Variants in UCK1 observed in about 807,000 individuals in gnomAD.
UCK1 encodes the protein cytidine monophosphokinase 1.
UCK1 carries 20 observed loss-of-function variants against 34.0 expected under a neutral mutation model. That is an observed-to-expected ratio of 0.59 (90% CI 0.41 to 0.86). The LOEUF (loss-of-function observed/expected upper bound fraction) is 0.86. UCK1 is among the 40% of genes least tolerant of loss of function. The pLI is 0.00. For missense variants in UCK1, 343 were observed against 383.6 expected (o/e 0.89, Z 0.88); for synonymous variants, 168 against 155.9 (o/e 1.08, Z -0.58).
At chr9:131,527,280 ATC>A (rs1317738695) in intron 5 of UCK1, among the ~76,000 whole-genome samples, 1 of 151,898 alleles carries the variant, frequency 6.6e-6, no homozygotes, top group Non-Finnish European at 1.5e-5. Context: ...GTGAAGCAAG[ATC>A]TCACCACTGC....
At chr9:131,525,537 G>A (rs2131975696) in intron 6 of UCK1, among the ~76,000 whole-genome samples, 1 of 152,312 alleles carries the variant, frequency 6.6e-6, no homozygotes, top group African/African-American at 2.4e-5. Flanking sequence ...GGAGTGCAGT[G>A]GCCCAATCAC....
chr9:131,525,391 A>G (rs1410492417), intron 6 of UCK1, among the ~76,000 whole-genome samples, 170 bp from the exon 7 acceptor site: 3 of 152,270 alleles, frequency 2.0e-5, no homozygotes, highest in Non-Finnish European at 2.9e-5. Flanking sequence ...GCATCAGGAC[A>G]CAGCAAAATA....
At chr9:131,529,650 C>T (rs1588538179) in intron 2 of UCK1, 66 bp from the exon 3 acceptor site, 4 of 1,497,454 alleles carry the variant, frequency 2.7e-6, no homozygotes, top group Non-Finnish European at 2.8e-6. Flanking sequence ...AGGGAACCCT[C>T]TCTGCTCTGG....
intron 5 of UCK1, among the ~76,000 whole-genome samples, chr9:131,528,128 C>G (rs1287955801): frequency 6.6e-6 from 1 of 150,822 alleles, no homozygotes; most frequent in African/African-American, 2.4e-5. Flanking sequence ...GAGCCGAGAT[C>G]GTGCCATTGC....
chr9:131,526,448 C>G (rs1408733120), intron 5 of UCK1: 1 of 1,290,588 alleles, frequency 7.7e-7, no homozygotes, highest in African/African-American at 1.5e-5. Context: ...AACTTACTCC[C>G]TCATCCAACC....
At chr9:131,527,098 G>A (rs971581300) in intron 5 of UCK1, among the ~76,000 whole-genome samples, 2 of 150,690 alleles carry the variant, frequency 1.3e-5, no homozygotes, top group Admixed American at 6.6e-5. Context: ...TGGGTGGACT[G>A]CTTGAGGCCA....
intron 5 of UCK1, among the ~76,000 whole-genome samples, chr9:131,528,147 C>T (rs936614627): frequency 1.4e-5 from 2 of 146,888 alleles, no homozygotes; most frequent in African/African-American, 5.1e-5. Context: ...GCACTCCACC[C>T]TAGACGACAA....
At chr9:131,528,448 T>C (rs959985986) in intron 5 of UCK1, among the ~76,000 whole-genome samples, 4 of 152,170 alleles carry the variant, frequency 2.6e-5, no homozygotes, top group African/African-American at 7.2e-5. Flanking sequence ...TTCAGAGCAC[T>C]GGCCCAGAGC....
At chr9:131,526,974 C>T (rs201211145) in intron 5 of UCK1, among the ~76,000 whole-genome samples, 5 of 151,676 alleles carry the variant, frequency 3.3e-5, no homozygotes, top group Admixed American at 6.6e-5. Context: ...GAGGACTGCA[C>T]AAGCCACTCA....
chr9:131,530,356 G>C, intron 2 of UCK1, 130 bp downstream of exon 2: 1 of 1,097,278 alleles, frequency 9.1e-7, no homozygotes, highest in South Asian at 1.4e-5. Context: ...CTCCACTGCA[G>C]GCTGCGTGGC....
At position 131,531,242 on chromosome 9, in the gene UCK1, A is replaced by AG; in HGVS notation, c.-69dup. 5 of 1,283,576 alleles carry AG rather than the reference A, an allele frequency of 3.9e-6. No individual in the cohort carries two copies. The highest frequency in any genetic ancestry group is 2.0e-5 in the South Asian group (1 of 50,366). 79.5% of individuals were successfully genotyped at this position (1,283,576 alleles called of 1,614,324 possible). ...TTCCCCAGGCCCGGCGCGCCCGCCC[A>AG]GCGCCGAGGTCGGAGGCAACCGGAG... On this transcript the variant is annotated 5_prime_UTR_variant, in exon 1 of 7. Transcript: ENST00000372215.
At chr9:131,530,771 A>G in intron 1 of UCK1, 126 bp from the exon 2 acceptor site, 4 of 1,531,068 alleles carry the variant, frequency 2.6e-6, no homozygotes, top group Admixed American at 1.7e-5. Context: ...GAGGACACCA[A>G]CAGGTGTGGA....
At chr9:131,526,623 C>T in intron 5 of UCK1, 1 of 801,264 alleles carries the variant, frequency 1.2e-6, no homozygotes, top group African/African-American at 1.8e-5. Context: ...GCCTGGAGAA[C>T]ATGGCTGAAT....
Position 131,529,033 on chromosome 9 carries a change from G to T in UCK1, c.514C>A (p.Arg172=). 1 of 1,614,028 alleles carries T rather than the reference G, an allele frequency of 6.2e-7. No individual in the cohort carries two copies. Among genetic ancestry groups the T allele is most frequent in the Non-Finnish European group, 8.5e-7 (1 of 1,179,992 alleles). The change falls in exon 5 of 7, where the codon CGG becomes AGG. Residue 172 remains arginine (R), a synonymous_variant. Transcript: ENST00000372215. ...SDVRLSRRVL[R]DVRRGRDLEQ... ...AGGTCCCTCCCTCGGCGCACGTCCCGGAGAACTGCAGCGGCAAGGGGCAGG... is the reference window on the plus strand; with the variant it reads ...AGGTCCCTCCCTCGGCGCACGTCCCTGAGAACTGCAGCGGCAAGGGGCAGG...
intron 1 of UCK1, 93 bp from the exon 2 acceptor site, chr9:131,530,738 T>G (rs980906557): frequency 2.0e-4 from 324 of 1,610,182 alleles, no homozygotes; most frequent in Non-Finnish European, 2.6e-4. Flanking sequence ...ACCCGCCCCC[T>G]GGGGGGTATG....
In UCK1 at chr9:131,524,960, G is replaced by A; in HGVS notation, c.*80C>T. The A allele has an allele frequency of 1.3e-6, 2 of 1,516,070 alleles. No individual in the cohort carries two copies. Among genetic ancestry groups the A allele is most frequent in the South Asian group, 2.5e-5 (2 of 79,668 alleles). 93.9% of individuals were successfully genotyped at this position (1,516,070 alleles called of 1,614,324 possible). On this transcript the variant is annotated 3_prime_UTR_variant, in exon 7 of 7. Coordinates refer to ENST00000372215, the MANE Select transcript of UCK1 (RefSeq NM_031432.5). The stretch of plus-strand genomic sequence containing the variant: ...CTGGGGTGCGCCGAGAGGAAGCAGT[G>A]GGTGTGGGTGGGCGTCCCCAGGCTC...
chr9:131,529,036 G>T lies in UCK1; in HGVS notation c.511C>A (p.Leu171Ile). The change falls in exon 5 of 7, where the codon CTC (leucine) becomes ATC (isoleucine). Residue 171 changes from leucine to isoleucine, a missense_variant and splice_region_variant. Leu to Ile is a conservative substitution (Grantham distance 5). Transcript: ENST00000372215. ...DSDVRLSRRV[L>I]RDVRRGRDLE... ...TCCCTCCCTCGGCGCACGTCCCGGA[G>T]AACTGCAGCGGCAAGGGGCAGGCGT... 2 of 1,614,054 alleles carry T rather than the reference G, an allele frequency of 1.2e-6. No homozygotes were observed. The highest frequency in any genetic ancestry group is 1.7e-6 in the Non-Finnish European group (2 of 1,180,004).
In UCK1 at chr9:131,526,195, G is replaced by C. The variant is rs1423233787; in HGVS notation, c.604-218C>G. 8 of 672,708 alleles carry C rather than the reference G, an allele frequency of 1.2e-5. No homozygotes were observed. In the East Asian group the frequency reaches 1.4e-4, roughly 12 times the overall value. The allele number at this position is 672,708 out of a possible 1,614,324, so 41.7% of individuals were successfully genotyped here. A position where few individuals can be genotyped will look rare whatever the true frequency, so the allele number is the denominator to read the frequency against. The stretch of plus-strand genomic sequence containing the variant: ...GAAAGTGCAGCTGAGGCAGCCAAAA[G>C]AAAGTGCCTCTTCCAGTGTCCCCAT... On this transcript the variant is annotated intron_variant, in intron 5 of 6. Coordinates refer to ENST00000372215, the MANE Select transcript of UCK1 (RefSeq NM_031432.5).
At chr9:131,529,375 G>A (rs1047667465) in intron 3 of UCK1, 105 bp from the exon 4 acceptor site, 46 of 1,600,642 alleles carry the variant, frequency 2.9e-5, no homozygotes, top group Non-Finnish European at 3.8e-5. Context: ...GAAGGGGTGG[G>A]GGACCCACAG....
Sources: gnomAD v4.1 joint callset for allele counts (sites outside exome capture counted in the v4.1 genomes callset) on GRCh38, gnomAD v4.1.1 for gene constraint, MANE v1.5 for transcripts, NCBI Gene and HGNC (gene_info 2026-07-23, HGNC 2026-07-21) for gene names.